GABBR2: variants seen among roughly 807,000 people sequenced by gnomAD.
GABBR2 encodes G-protein coupled receptor 51.
Under a neutral mutation model 105.6 loss-of-function variants are expected in GABBR2, and 23 were observed. That is an observed-to-expected ratio of 0.22 (90% CI 0.16 to 0.31). GABBR2 has a LOEUF of 0.31. GABBR2 is among the 10% of genes least tolerant of loss of function. The pLI is 1.00. For synonymous variants in GABBR2, 478 were observed against 499.7 expected (o/e 0.96, Z 0.58); for missense variants, 734 against 1,245.5 (o/e 0.59, Z 6.18).
chr9:98,516,673 G>A lies in GABBR2; in HGVS notation c.631-20159C>T, dbSNP rs552015588. On this transcript the variant is annotated intron_variant, in intron 3 of 18. Coordinates refer to ENST00000259455, the MANE Select transcript of GABBR2 (RefSeq NM_005458.8). ...CCCAGCCCCATTCCTGACCCCGAGG[G>A]TGGCACCATCTTTGGTGATCCTGGC... is the stretch of plus-strand genomic sequence containing the variant. Among the ~76,000 whole-genome samples, 4 of 152,272 alleles carry A rather than the reference G, an allele frequency of 2.6e-5. No homozygotes were observed. In the East Asian group the frequency reaches 7.7e-4, roughly 29 times the overall value.
intron 1 of GABBR2, among the ~76,000 whole-genome samples, chr9:98,693,374 T>A (rs927037361): frequency 6.6e-6 from 1 of 152,196 alleles, no homozygotes; most frequent in Admixed American, 6.5e-5. Context: ...TGTCCTCAGG[T>A]GGTAGCAGGG....
intron 7 of GABBR2, among the ~76,000 whole-genome samples, chr9:98,434,327 C>T (rs1225489714): frequency 6.6e-6 from 1 of 151,828 alleles, no homozygotes; most frequent in Non-Finnish European, 1.5e-5. Context: ...TTTATATAGA[C>T]ATCTATCCTA....
intron 1 of GABBR2, among the ~76,000 whole-genome samples, chr9:98,701,496 G>A (rs1441617018): frequency 6.6e-6 from 1 of 152,140 alleles, no homozygotes; most frequent in Non-Finnish European, 1.5e-5. Context: ...AATGAGGGAG[G>A]AAGACCCTGG....
At chr9:98,496,788 T>G (rs1451100673) in intron 3 of GABBR2, among the ~76,000 whole-genome samples, 1 of 152,202 alleles carries the variant, frequency 6.6e-6, no homozygotes, top group Non-Finnish European at 1.5e-5. Context: ...GAGTCAAGAT[T>G]AGCACCTTTG....
At chr9:98,560,782 G>GTGTA (rs1554717369) in intron 2 of GABBR2, among the ~76,000 whole-genome samples, 3 of 145,346 alleles carry the variant, frequency 2.1e-5, no homozygotes, top group South Asian at 4.3e-4. Context: ...ATATAGTAGT[G>GTGTA]TATATATATA....
intron 14 of GABBR2, among the ~76,000 whole-genome samples, chr9:98,309,518 A>G (rs1830604280): frequency 6.6e-6 from 1 of 152,228 alleles, no homozygotes; most frequent in South Asian, 2.1e-4. Flanking sequence ...ATCTATGGAC[A>G]GGGCTGCCTG....
intron 3 of GABBR2, among the ~76,000 whole-genome samples, chr9:98,503,945 T>C (rs1313108856): frequency 2.0e-5 from 3 of 152,164 alleles, no homozygotes; most frequent in Non-Finnish European, 2.9e-5. Context: ...GAGTTTCCAA[T>C]GTGTAGCTAA....
intron 1 of GABBR2, among the ~76,000 whole-genome samples, chr9:98,686,981 A>T (rs1258685752): frequency 1.3e-5 from 2 of 151,780 alleles, no homozygotes; most frequent in Non-Finnish European, 2.9e-5. Flanking sequence ...CAAGACAAAG[A>T]TCCTCCCTCG....
Position 98,294,061 on chromosome 9 carries a change from C to T in GABBR2, c.2543-159G>A, listed in dbSNP as rs560705703. On this transcript the variant is annotated intron_variant, in intron 17 of 18. Transcript: ENST00000259455. ...GCTGAGGTCTGTGTAGTGGCTCTCC[C>T]GGGACCAAGGCGGTGAGCTGAGAAG... Among the ~76,000 whole-genome samples the T allele has an allele frequency of 4.1e-4, 63 of 152,144 alleles. 1 individual carries two copies. The highest frequency in any genetic ancestry group is 1.6e-3 in the Admixed American group (24 of 15,280).
intron 15 of GABBR2, among the ~76,000 whole-genome samples, chr9:98,305,054 C>T (rs7859650): frequency 0.077 from 11,722 of 151,984 alleles, 1,548 homozygotes; most frequent in African/African-American, 0.27. Flanking sequence ...ATTACAGGCA[C>T]GAGCCACCAT....
chr9:98,349,231 A>G (rs1305541274), intron 13 of GABBR2, among the ~76,000 whole-genome samples: 3 of 151,048 alleles, frequency 2.0e-5, no homozygotes, highest in Admixed American at 2.0e-4. Context: ...TATTACATTT[A>G]TTGATCTGTT....
intron 2 of GABBR2, among the ~76,000 whole-genome samples, chr9:98,560,951 C>T (rs1156506335): frequency 1.3e-5 from 2 of 151,802 alleles, no homozygotes; most frequent in Admixed American, 6.6e-5. Flanking sequence ...ATTATAATGT[C>T]ATTATCACAG....
intron 2 of GABBR2, among the ~76,000 whole-genome samples, chr9:98,575,086 CA>C (rs370401317): frequency 0.024 from 1,654 of 70,058 alleles, 33 homozygotes; most frequent in African/African-American, 0.11. Context: ...TAAACACCAC[CA>C]CCCCCCCCCA....
At chr9:98,414,251 G>C (rs1832644702) in intron 7 of GABBR2, among the ~76,000 whole-genome samples, 1 of 152,244 alleles carries the variant, frequency 6.6e-6, no homozygotes, top group Non-Finnish European at 1.5e-5. Context: ...TTCCAGGAAG[G>C]TGGCATTTGC....
chr9:98,655,579 A>G (rs889662465), intron 1 of GABBR2, among the ~76,000 whole-genome samples: 3 of 152,132 alleles, frequency 2.0e-5, no homozygotes, highest in African/African-American at 7.2e-5. Context: ...AGGACTTGAA[A>G]CCAACCCAAA....
At chr9:98,443,291 C>T (rs753545096) in intron 7 of GABBR2, among the ~76,000 whole-genome samples, 5 of 152,174 alleles carry the variant, frequency 3.3e-5, no homozygotes, top group Admixed American at 6.5e-5. Context: ...CTGATACACT[C>T]CCCCACACTG....
chr9:98,540,290 C>T (rs1311185206), intron 3 of GABBR2, among the ~76,000 whole-genome samples: 4 of 152,240 alleles, frequency 2.6e-5, no homozygotes, highest in African/African-American at 9.6e-5. Context: ...AAACAACCCT[C>T]TCTGTGTATG....
rs190667793 is a variant in GABBR2 at position 98,546,417 on chromosome 9, A to G, written c.460-4374T>C. Among the ~76,000 whole-genome samples the G allele has an allele frequency of 5.3e-5, 8 of 152,342 alleles. 1 individual carries two copies. The highest frequency in any genetic ancestry group is 2.9e-5 in the Non-Finnish European group (2 of 68,022). On this transcript the variant is annotated intron_variant, in intron 2 of 18. Coordinates refer to ENST00000259455, the MANE Select transcript of GABBR2 (RefSeq NM_005458.8). ...TATCTTGTTTTGAGCATAAATGTTC[A>G]TCACAATTATGTCTTCATTTTTCAG...
chr9:98,293,691 T>C (rs1290940701), intron 18 of GABBR2, 94 bp downstream of exon 18: 2 of 693,740 alleles, frequency 2.9e-6, no homozygotes, highest in South Asian at 1.9e-5. Context: ...GCAAATAAAA[T>C]AATGGATGTG....
Sources: gnomAD v4.1 joint callset for allele counts (sites outside exome capture counted in the v4.1 genomes callset) on GRCh38, gnomAD v4.1.1 for gene constraint, MANE v1.5 for transcripts, NCBI Gene and HGNC (gene_info 2026-07-23, HGNC 2026-07-21) for gene names.